Variants in ITGAE observed in about 807,000 individuals in gnomAD.
The protein encoded by ITGAE is integrin alpha-E.
In ITGAE, 99 loss-of-function variants were observed where a neutral mutation model predicts 136.5. The observed-to-expected ratio is 0.73, with a 90% CI of 0.62 to 0.86. The LOEUF (loss-of-function observed/expected upper bound fraction) is 0.86, where lower values mean the gene tolerates loss of function less well. ITGAE is among the 40% of genes least tolerant of loss of function. The pLI is 0.00. For missense variants in ITGAE, 1,447 were observed against 1,515.3 expected, an observed-to-expected ratio of 0.95 and a Z score of 0.75; for synonymous variants, 613 against 591.8, an observed-to-expected ratio of 1.04 and a Z score of -0.52.
At chr17:3,723,578 C>T (rs1479622941) in intron 27 of ITGAE, 110 bp downstream of exon 27, 1 of 1,203,680 alleles carries the variant, frequency 8.3e-7, no homozygotes, top group Middle Eastern at 2.0e-4. Flanking sequence ...GGCCTGGCAG[C>T]CCCCGGCACT....
intron 1 of ITGAE, among the ~76,000 whole-genome samples, chr17:3,789,968 G>A (rs1397452593): frequency 1.1e-5 from 1 of 94,120 alleles, no homozygotes; most frequent in Non-Finnish European, 2.3e-5. Context: ...TCATCAACAG[G>A]TAAAGCTTCT....
chr17:3,753,485 C>T, intron 13 of ITGAE, 55 bp from the exon 14 acceptor site: 3 of 1,591,098 alleles, frequency 1.9e-6, no homozygotes, highest in Non-Finnish European at 2.6e-6. Context: ...CACCCCTCAG[C>T]AAGGCTACAC....
intron 1 of ITGAE, among the ~76,000 whole-genome samples, chr17:3,781,795 C>T (rs2052673349): frequency 6.6e-6 from 1 of 152,148 alleles, no homozygotes; most frequent in Non-Finnish European, 1.5e-5. Context: ...CCTCTTAACC[C>T]ATAGTTTGGA....
chr17:3,727,520 C>T (rs2051241984), intron 26 of ITGAE, among the ~76,000 whole-genome samples: 1 of 151,962 alleles, frequency 6.6e-6, no homozygotes, highest in African/African-American at 2.4e-5. Context: ...CTGCCTCAGC[C>T]TCCCAAGTAG....
intron 8 of ITGAE, among the ~76,000 whole-genome samples, chr17:3,758,701 G>GCACC (rs2052088118): frequency 6.6e-6 from 1 of 151,920 alleles, no homozygotes; most frequent in Non-Finnish European, 1.5e-5. Context: ...ATCCACCTGT[G>GCACC]TTGGCCTCCC....
chr17:3,750,324 G>A (rs752761820), intron 16 of ITGAE, 28 bp downstream of exon 16: 1 of 1,612,588 alleles, frequency 6.2e-7, no homozygotes, highest in Non-Finnish European at 8.5e-7. Context: ...CTGGGCCTGG[G>A]ACCCCAGAAA....
chr17:3,771,684 C>A lies in ITGAE; in HGVS notation c.155+5856G>T, dbSNP rs964874957. Among the ~76,000 whole-genome samples the A allele has an allele frequency of 1.7e-3, 252 of 152,004 alleles. 5 individuals carry two copies. The highest frequency in any genetic ancestry group is 5.8e-3 in the African/African-American group (242 of 41,468). On this transcript the variant is annotated intron_variant, in intron 2 of 30. Coordinates refer to ENST00000263087, the MANE Select transcript of ITGAE (RefSeq NM_002208.5). ...CCTAAGTAGCTGGGATTACAAGCGCCCACCACCACACCCGGCTAATTTTTA... is the reference window on the plus strand; with the variant it reads ...CCTAAGTAGCTGGGATTACAAGCGCACACCACCACACCCGGCTAATTTTTA...
chr17:3,786,666 C>T (rs1455094238), intron 1 of ITGAE, among the ~76,000 whole-genome samples: 3 of 152,076 alleles, frequency 2.0e-5, no homozygotes, highest in Admixed American at 1.3e-4. Flanking sequence ...CCAAGGCCAG[C>T]GGATCACGAG....
chr17:3,778,512 G>A (rs1597360483), intron 1 of ITGAE, among the ~76,000 whole-genome samples: 1 of 152,164 alleles, frequency 6.6e-6, no homozygotes, highest in African/African-American at 2.4e-5. Context: ...GCAGTGAGCC[G>A]AGATTGCACC....
chr17:3,796,192 T>TGTGTGTGTGTGTGTGTGTGTGG (rs1016303323), intron 1 of ITGAE, among the ~76,000 whole-genome samples: 3 of 148,596 alleles, frequency 2.0e-5, no homozygotes, highest in Non-Finnish European at 4.4e-5. Flanking sequence ...TGTGTGTGTG[T>TGTGTGTGTGTGTGTGTGTGTGG]GGTGGGGTAG....
At chr17:3,725,226 G>A (rs773304958) in intron 26 of ITGAE, 92 of 1,614,040 alleles carry the variant, frequency 5.7e-5, no homozygotes, top group Non-Finnish European at 7.7e-5. Context: ...CAGAACAAGT[G>A]GTGCTCCGTC....
At chr17:3,783,946 T>G (rs749649894) in intron 1 of ITGAE, among the ~76,000 whole-genome samples, 1 of 152,256 alleles carries the variant, frequency 6.6e-6, no homozygotes, top group Non-Finnish European at 1.5e-5. Context: ...AACACTTTAA[T>G]TAAGCCTTTT....
At chr17:3,724,287 C>G (rs1218329378) in intron 26 of ITGAE, 1 of 1,587,520 alleles carries the variant, frequency 6.3e-7, no homozygotes, top group Non-Finnish European at 8.5e-7. Flanking sequence ...ACGCCTGGGG[C>G]TGCGAGCTCG....
In ITGAE at chr17:3,742,554, A is replaced by C. The variant is rs558131484; in HGVS notation, c.2448+935T>G. ...ACTGCAACCACTGTCTCCCGGGGTC[A>C]AGCAATTCTCCTGCCTCAGCCTCCT... On this transcript the variant is annotated intron_variant, in intron 19 of 30. Coordinates refer to ENST00000263087, the MANE Select transcript of ITGAE (RefSeq NM_002208.5). 5.7e-4 allele frequency among the ~76,000 whole-genome samples: 86 copies of C among 151,620 alleles called. 1 individual carries two copies. The highest frequency in any genetic ancestry group is 2.0e-3 in the African/African-American group (81 of 41,294).
chr17:3,732,139 C>G (rs902390723), intron 22 of ITGAE, among the ~76,000 whole-genome samples: 2 of 152,192 alleles, frequency 1.3e-5, no homozygotes, highest in African/African-American at 4.8e-5. Context: ...CAACTTCACT[C>G]TGCTTCACGG....
intron 17 of ITGAE, among the ~76,000 whole-genome samples, chr17:3,746,331 C>T (rs1053220757): frequency 6.6e-6 from 1 of 151,316 alleles, no homozygotes; most frequent in African/African-American, 2.4e-5. Flanking sequence ...ATCCCGGGGC[C>T]GCCTCTCTTA....
chr17:3,794,281 AT>A (rs1398475235), intron 1 of ITGAE, among the ~76,000 whole-genome samples: 1 of 150,820 alleles, frequency 6.6e-6, no homozygotes, highest in Non-Finnish European at 1.5e-5. Flanking sequence ...CTGGCCTCTA[AT>A]TTTTTTTTAA....
intron 1 of ITGAE, among the ~76,000 whole-genome samples, chr17:3,788,713 AAAATAATTATTT>A (rs1207938623): frequency 1.4e-5 from 2 of 146,980 alleles, no homozygotes; most frequent in Non-Finnish European, 3.0e-5. Context: ...AATAATTATT[AAAATAATTATTT>A]AAAAATAATA....
intron 8 of ITGAE, 82 bp from the exon 9 acceptor site, chr17:3,757,941 G>T: frequency 6.7e-7 from 1 of 1,495,406 alleles, no homozygotes. Flanking sequence ...TCTCTGACCT[G>T]TATTAGAATT....
Sources: allele counts gnomAD v4.1 joint callset (sites outside exome capture counted in the v4.1 genomes callset), GRCh38; gene constraint gnomAD v4.1.1; transcripts MANE v1.5; gene names NCBI Gene and HGNC (gene_info 2026-07-23, HGNC 2026-07-21).